The following PPP4R3B variants were observed in gnomAD, a reference collection of about 807,000 sequenced individuals.
PPP4R3B encodes the protein protein phosphatase 4 regulatory subunit 3B.
PPP4R3B carries 52 observed loss-of-function variants against 95.4 expected under a neutral mutation model. That is an observed-to-expected ratio of 0.54 (90% CI 0.44 to 0.69). The LOEUF is 0.69. Ranked by LOEUF, PPP4R3B falls within the 30% of genes least tolerant of loss-of-function variation. The probability of loss-of-function intolerance (pLI) is 0.00; values close to 1 mark genes in which losing one functional copy is unlikely to be tolerated. For missense variants in PPP4R3B, 1,003 were observed against 1,005.9 expected, an observed-to-expected ratio of 1.00 and a Z score of 0.04; for synonymous variants, 407 against 343.9, an observed-to-expected ratio of 1.18 and a Z score of -2.03.
intron 2 of PPP4R3B, among the ~76,000 whole-genome samples, chr2:55,611,765 G>C (rs974522213): frequency 3.3e-5 from 5 of 151,768 alleles, no homozygotes; most frequent in South Asian, 2.1e-4. Flanking sequence ...AAATCGCTTT[G>C]TCTCTCCACC....
intron 7 of PPP4R3B, 140 bp downstream of exon 7, chr2:55,584,911 G>T: frequency 1.4e-5 from 9 of 662,740 alleles, no homozygotes; most frequent in South Asian, 6.6e-5. Context: ...TTCTAATTTG[G>T]CCAAAGTCAC....
At chr2:55,609,881 G>C (rs903872446) in intron 2 of PPP4R3B, among the ~76,000 whole-genome samples, 1 of 152,158 alleles carries the variant, frequency 6.6e-6, no homozygotes, top group Non-Finnish European at 1.5e-5. Context: ...AGAAACTGGT[G>C]ATGTCAGTGG....
At chr2:55,565,475 C>T (rs1167559779) in intron 13 of PPP4R3B, among the ~76,000 whole-genome samples, 1 of 151,966 alleles carries the variant, frequency 6.6e-6, no homozygotes, top group Non-Finnish European at 1.5e-5. Flanking sequence ...ATCCAGAGCA[C>T]ACGGCTGGTT....
In PPP4R3B at chr2:55,549,098, T is replaced by C. The variant is rs1684978013; in HGVS notation, c.*813A>G. 6.6e-6 allele frequency: 1 copy of C among 152,260 alleles called. No homozygotes were observed. Among genetic ancestry groups the C allele is most frequent in the Non-Finnish European group, 1.5e-5 (1 of 68,036 alleles). The allele number at this position is 152,260 out of a possible 1,614,324, so 9.4% of individuals were successfully genotyped here. ...TTTACTAACAAAGTAGAAAGTGATT[T>C]CAAAGTATCTTCCACAAAAGATTGT... On this transcript the variant is annotated 3_prime_UTR_variant, in exon 17 of 17. Transcript: ENST00000616407.
chr2:55,605,041 G>C (rs1385895309), intron 2 of PPP4R3B, among the ~76,000 whole-genome samples: 1 of 151,984 alleles, frequency 6.6e-6, no homozygotes, highest in Non-Finnish European at 1.5e-5. Context: ...ATTTTGCCCA[G>C]GTTGGTCTGG....
In PPP4R3B at chr2:55,548,325, C is replaced by T. The variant is rs1474993420; in HGVS notation, c.*1586G>A. ...AAAAGATACTGTAAAATTGACATATCTCAAAATGGAGTTAATTTATATTTA... is the reference window on the plus strand; with the variant it reads ...AAAAGATACTGTAAAATTGACATATTTCAAAATGGAGTTAATTTATATTTA... On this transcript the variant is annotated 3_prime_UTR_variant, in exon 17 of 17. Coordinates refer to ENST00000616407, the MANE Select transcript of PPP4R3B (RefSeq NM_001122964.3). The T allele has an allele frequency of 2.0e-5, 3 of 152,516 alleles. No homozygotes were observed. Among genetic ancestry groups the T allele is most frequent in the Non-Finnish European group, 4.4e-5 (3 of 68,030 alleles). The allele number at this position is 152,516 out of a possible 1,614,324, so 9.4% of individuals were successfully genotyped here. A position where few individuals can be genotyped will look rare whatever the true frequency, so the allele number is the denominator to read the frequency against.
chr2:55,592,414 A>C (rs1691157551), intron 4 of PPP4R3B, among the ~76,000 whole-genome samples: 1 of 152,204 alleles, frequency 6.6e-6, no homozygotes. Context: ...AAGATACACA[A>C]AGCTGGAATG....
At chr2:55,571,977 G>T (rs1259755708) in intron 12 of PPP4R3B, among the ~76,000 whole-genome samples, 1 of 152,126 alleles carries the variant, frequency 6.6e-6, no homozygotes, top group East Asian at 1.9e-4. Flanking sequence ...TAAAACAAAA[G>T]TATATATATG....
At position 55,575,426 on chromosome 2, in the gene PPP4R3B, A is replaced by G. The variant is rs191999245; in HGVS notation, c.1607-1649T>C. Reference sequence around the variant, plus strand: ...TGGACAATCATGCACCACCCATATTATAAGTGCTTTAGACAAAGAAATATT... The same window carrying G: ...TGGACAATCATGCACCACCCATATTGTAAGTGCTTTAGACAAAGAAATATT... On this transcript the variant is annotated intron_variant, in intron 11 of 16. Transcript: ENST00000616407. Among the ~76,000 whole-genome samples the G allele has an allele frequency of 1.9e-3, 290 of 152,220 alleles. 1 individual carries two copies. The highest frequency in any genetic ancestry group is 6.3e-3 in the African/African-American group (262 of 41,532).
At chr2:55,562,000 C>G (rs1404919735) in intron 15 of PPP4R3B, among the ~76,000 whole-genome samples, 1 of 152,106 alleles carries the variant, frequency 6.6e-6, no homozygotes, top group African/African-American at 2.4e-5. Context: ...TGGCTCTTGT[C>G]CCCACCCAAA....
At chr2:55,584,892 C>T (rs986049966) in intron 7 of PPP4R3B, among the ~76,000 whole-genome samples, 159 bp downstream of exon 7, 4 of 151,992 alleles carry the variant, frequency 2.6e-5, no homozygotes, top group African/African-American at 9.7e-5. Flanking sequence ...CAAAATCAGT[C>T]GCCACATATT....
intron 3 of PPP4R3B, among the ~76,000 whole-genome samples, chr2:55,603,309 G>A (rs953765771): frequency 1.4e-4 from 22 of 152,116 alleles, no homozygotes; most frequent in African/African-American, 5.3e-4. Context: ...TGACATATAG[G>A]GGTGGGGTAG....
At chr2:55,562,158 A>C (rs1574695777) in intron 15 of PPP4R3B, among the ~76,000 whole-genome samples, 1 of 152,184 alleles carries the variant, frequency 6.6e-6, no homozygotes, top group Non-Finnish European at 1.5e-5. Context: ...TTGGTGGCTC[A>C]TGCCTGTAAT....
chr2:55,595,647 C>T (rs1251615324), intron 4 of PPP4R3B, among the ~76,000 whole-genome samples: 1 of 150,828 alleles, frequency 6.6e-6, no homozygotes, highest in Non-Finnish European at 1.5e-5. Context: ...TTGCAAATCT[C>T]AATACCTGGC....
At chr2:55,572,847 G>T (rs1269760130) in intron 12 of PPP4R3B, among the ~76,000 whole-genome samples, 4 of 152,096 alleles carry the variant, frequency 2.6e-5, no homozygotes, top group Non-Finnish European at 5.9e-5. Context: ...ATCTGTGGAA[G>T]AGCCATACTA....
chr2:55,576,290 G>C (rs1688649570), intron 11 of PPP4R3B, among the ~76,000 whole-genome samples: 1 of 152,144 alleles, frequency 6.6e-6, no homozygotes, highest in South Asian at 2.1e-4. Context: ...GGAGGTTGCA[G>C]TGAGCCGAAA....
chr2:55,589,730 A>G (rs1690696048), intron 4 of PPP4R3B, among the ~76,000 whole-genome samples: 1 of 151,490 alleles, frequency 6.6e-6, no homozygotes, highest in Non-Finnish European at 1.5e-5. Flanking sequence ...CCTGGCTAAC[A>G]TGGTAAAACC....
chr2:55,607,405 A>C (rs1693570865), intron 2 of PPP4R3B, among the ~76,000 whole-genome samples: 1 of 152,250 alleles, frequency 6.6e-6, no homozygotes. Flanking sequence ...GCTATAAATC[A>C]GGCTTCCCAT....
chr2:55,584,531 T>G (rs1376752678), intron 7 of PPP4R3B, among the ~76,000 whole-genome samples: 1 of 152,146 alleles, frequency 6.6e-6, no homozygotes, highest in African/African-American at 2.4e-5. Flanking sequence ...CAAAGTCCAT[T>G]GTGTCATTCT....
Sources: allele counts gnomAD v4.1 joint callset (sites outside exome capture counted in the v4.1 genomes callset), GRCh38; gene constraint gnomAD v4.1.1; transcripts MANE v1.5; gene names NCBI Gene and HGNC (gene_info 2026-07-23, HGNC 2026-07-21).